Variants in NSD1 observed in about 807,000 individuals in gnomAD.
NSD1 encodes nuclear receptor binding SET domain protein 1.
NSD1 carries 26 observed loss-of-function variants against 242.7 expected under a neutral mutation model. The observed-to-expected ratio is 0.11, with a 90% CI of 0.08 to 0.15. NSD1 has a LOEUF of 0.15. NSD1 is among the 10% of genes least tolerant of loss of function. The pLI, the probability that NSD1 is intolerant of heterozygous loss-of-function variation, is 1.00. For synonymous variants in NSD1, 1,106 were observed against 1,178.1 expected, an observed-to-expected ratio of 0.94 and a Z score of 1.25; for missense variants, 2,495 against 3,272.8, an observed-to-expected ratio of 0.76 and a Z score of 5.80.
At chr5:177,283,451 C>T (rs754818040) in intron 19 of NSD1, among the ~76,000 whole-genome samples, 6 of 152,170 alleles carry the variant, frequency 3.9e-5, no homozygotes, top group Non-Finnish European at 7.3e-5. Flanking sequence ...GAAAGTGGGA[C>T]AAGCTGCTAT....
intron 14 of NSD1, among the ~76,000 whole-genome samples, chr5:177,261,127 C>A (rs561665834): frequency 1.3e-5 from 2 of 152,140 alleles, no homozygotes; most frequent in South Asian, 4.2e-4. Context: ...CTCACTGCAA[C>A]CTCTGCTGCC....
At chr5:177,136,068 A>G (rs1562099793) in intron 2 of NSD1, 38 bp downstream of exon 2, 7 of 1,529,356 alleles carry the variant, frequency 4.6e-6, no homozygotes, top group Non-Finnish European at 6.3e-6. Flanking sequence ...ATATACATAT[A>G]TGTATATATA....
chr5:177,153,409 C>T (rs1333771544), intron 2 of NSD1, among the ~76,000 whole-genome samples: 4 of 151,726 alleles, frequency 2.6e-5, no homozygotes, highest in East Asian at 1.9e-4. Flanking sequence ...TAAGTGGGTG[C>T]AAAATGCTAC....
chr5:177,273,501 TA>T, intron 16 of NSD1, among the ~76,000 whole-genome samples, 170 bp from the exon 17 acceptor site: 1 of 152,298 alleles, frequency 6.6e-6, no homozygotes, highest in South Asian at 2.1e-4. Context: ...TGGACTACAT[TA>T]CCTGTTTGAA....
intron 16 of NSD1, among the ~76,000 whole-genome samples, chr5:177,270,081 A>G (rs915115283): frequency 6.6e-6 from 1 of 152,176 alleles, no homozygotes; most frequent in African/African-American, 2.4e-5. Context: ...TTCTGAAACT[A>G]TTTCATAGAA....
Position 177,135,692 on chromosome 5 carries a change from A to G in NSD1, c.589A>G (p.Thr197Ala). 6.2e-7 allele frequency: 1 copy of G among 1,614,228 alleles called. No individual in the cohort carries two copies. The highest frequency in any genetic ancestry group is 8.5e-7 in the Non-Finnish European group (1 of 1,180,040). The change falls in exon 2 of 23, where the codon ACT (threonine) becomes GCT (alanine). Residue 197 changes from threonine (T) to alanine (A), a missense_variant. Around this residue, in one of 19 missense-constraint regions of NSD1, gnomAD observed 376 missense variants for 367.4 expected, o/e 1.02. Coordinates refer to ENST00000439151, the MANE Select transcript of NSD1 (RefSeq NM_022455.5). ...GACCAATGCCACCTGCAATTATGAG[A>G]CTAAATCAGAGAATGGTGTAAAAGT... Reference protein sequence around the residue: ...TQTNATCNYETKSENGVKVAM... With the variant: ...TQTNATCNYEAKSENGVKVAM...
intron 11 of NSD1, among the ~76,000 whole-genome samples, chr5:177,249,985 T>G (rs1215085034): frequency 2.0e-5 from 3 of 152,162 alleles, no homozygotes; most frequent in African/African-American, 7.2e-5. Context: ...CTGGGGAGGC[T>G]GAGGTCATTG....
At chr5:177,218,858 C>T (rs964056723) in intron 5 of NSD1, among the ~76,000 whole-genome samples, 6 of 151,988 alleles carry the variant, frequency 3.9e-5, no homozygotes, top group Middle Eastern at 3.4e-3. Flanking sequence ...CATGAGCCAC[C>T]GCGCCCGGCC....
chr5:177,198,926 G>C (rs533925692), intron 3 of NSD1, among the ~76,000 whole-genome samples: 1 of 152,132 alleles, frequency 6.6e-6, no homozygotes, highest in Non-Finnish European at 1.5e-5. Flanking sequence ...ACACCCATAC[G>C]TGTTTGCCTT....
At chr5:177,137,689 A>G (rs929222561) in intron 2 of NSD1, among the ~76,000 whole-genome samples, 1 of 152,188 alleles carries the variant, frequency 6.6e-6, no homozygotes, top group Non-Finnish European at 1.5e-5. Context: ...ACATAAATTT[A>G]AATCTGAGAA....
chr5:177,265,277 T>TAAA (rs370641855), intron 14 of NSD1: 96 of 559,046 alleles, frequency 1.7e-4, no homozygotes, highest in South Asian at 3.7e-4. Flanking sequence ...TCTGGACTGT[T>TAAA]AAAAAAAAAA....
intron 17 of NSD1, among the ~76,000 whole-genome samples, chr5:177,275,230 C>G (rs1158155918): frequency 6.6e-6 from 1 of 151,688 alleles, no homozygotes; most frequent in South Asian, 2.1e-4. Context: ...ATAACCCTAC[C>G]GAAATCAGAC....
chr5:177,237,916 A>G (rs551210421), intron 6 of NSD1, among the ~76,000 whole-genome samples: 3 of 152,316 alleles, frequency 2.0e-5, no homozygotes, highest in African/African-American at 4.8e-5. Flanking sequence ...ATCCATCTCG[A>G]TAATTTTTTT....
rs755866685 is a variant in NSD1 at position 177,210,986 on chromosome 5, G to A, written c.2587G>A (p.Glu863Lys). The change falls in exon 5 of 23, where the codon GAG becomes AAG. Residue 863 changes from glutamate (E) to lysine (K), a missense_variant. Physicochemically the swap from Glu to Lys is moderately conservative, Grantham distance 56. Around this residue, in one of 19 missense-constraint regions of NSD1, gnomAD observed 121 missense variants for 167.2 expected, o/e 0.72. Coordinates refer to ENST00000439151, the MANE Select transcript of NSD1 (RefSeq NM_022455.5). ...ETAVVKHVLS[E>K]LKELSYRSLG... ...AGCAGTGGTGAAACATGTTTTATCC[G>A]AGTTGAAGGAACTCTCTTACAGATC... 4 of 1,614,136 alleles carry A rather than the reference G, an allele frequency of 2.5e-6. No individual in the cohort carries two copies. The highest frequency in any genetic ancestry group is 1.1e-5 in the South Asian group (1 of 91,088).
chr5:177,230,283 T>C (rs10076667), intron 5 of NSD1, among the ~76,000 whole-genome samples: 13,611 of 151,986 alleles, frequency 0.09, 1,998 homozygotes, highest in African/African-American at 0.31. Flanking sequence ...AAAGAGTTGG[T>C]AGACGTTTCT....
intron 2 of NSD1, among the ~76,000 whole-genome samples, chr5:177,138,193 AG>A (rs1236951147): frequency 5.3e-5 from 8 of 152,184 alleles, no homozygotes; most frequent in African/African-American, 1.9e-4. Flanking sequence ...TAAATGTAGA[AG>A]TTTTTTTTTC....
chr5:177,211,401 A>T lies in NSD1; in HGVS notation c.3002A>T (p.Asp1001Val), dbSNP rs1562211146. 1 of 1,614,148 alleles carries T rather than the reference A, an allele frequency of 6.2e-7. No homozygotes were observed. Among genetic ancestry groups the T allele is most frequent in the African/African-American group, 1.3e-5 (1 of 75,046 alleles). Reference sequence around the variant, plus strand: ...GCTTCCCTACCTGGCTTACTGTCCGACAAGAGAGACCTCCCTGCTTCTGGT... The same window carrying T: ...GCTTCCCTACCTGGCTTACTGTCCGTCAAGAGAGACCTCCCTGCTTCTGGT... ...LSASLPGLLSDKRDLPASGKS... is the reference protein window; with the variant it reads ...LSASLPGLLSVKRDLPASGKS... Residue 1001 changes from aspartate to valine, a missense_variant, in exon 5 of 23, where the codon GAC becomes GTC. This residue lies in a region of NSD1 where 426 missense variants were observed against 411.4 expected (regional missense o/e 1.04). Coordinates refer to ENST00000439151, the MANE Select transcript of NSD1 (RefSeq NM_022455.5).
Position 177,235,897 on chromosome 5 carries a change from A to G in NSD1, c.3873A>G (p.Ile1291Met). The change falls in exon 6 of 23, where the codon ATA becomes ATG. Residue 1291 changes from isoleucine (I) to methionine (M), a missense_variant. Physicochemically the swap from Ile to Met is conservative, Grantham distance 10. This residue lies in a region of NSD1 where 426 missense variants were observed against 411.4 expected (regional missense o/e 1.04). Coordinates refer to ENST00000439151, the MANE Select transcript of NSD1 (RefSeq NM_022455.5). ...AATATACAGAAGAATATGATCAGAT[A>G]TTTGCTCCTAAGAAAAAACAAAAGA... Reference protein sequence around the residue: ...LLEYTEEYDQIFAPKKKQKKV... With the variant: ...LLEYTEEYDQMFAPKKKQKKV... 1.2e-6 allele frequency: 2 copies of G among 1,613,990 alleles called. No homozygotes were observed.
At position 177,296,212 on chromosome 5, in the gene NSD1, CGCT is replaced by C. The variant is rs1320131199; in HGVS notation, c.*760_*762del. 3.8e-5 allele frequency: 9 copies of C among 235,846 alleles called. No individual in the cohort carries two copies. The highest frequency in any genetic ancestry group is 5.8e-5 in the Non-Finnish European group (7 of 119,862). The allele number at this position is 235,846 out of a possible 1,614,324, so 14.6% of individuals were successfully genotyped here. A position where few individuals can be genotyped will look rare whatever the true frequency, so the allele number is the denominator to read the frequency against. On this transcript the variant is annotated 3_prime_UTR_variant, in exon 23 of 23. Coordinates refer to ENST00000439151, the MANE Select transcript of NSD1 (RefSeq NM_022455.5). ...GCAAGGCTGTTGGCTGTGGGGTCGC[CGCT>C]GCTGCTTTTGTCTGGGCTGTGCAGA...
Sources: allele counts gnomAD v4.1 joint callset (sites outside exome capture counted in the v4.1 genomes callset), GRCh38; gene constraint gnomAD v4.1.1; regional missense constraint gnomAD v4.1.1; transcripts MANE v1.5; gene names NCBI Gene and HGNC (gene_info 2026-07-23, HGNC 2026-07-21).